ATP9A: variants seen among roughly 807,000 people sequenced by gnomAD.
ATP9A encodes ATPase phospholipid transporting 9A.
ATP9A carries 52 observed loss-of-function variants against 144.1 expected under a neutral mutation model. That is an observed-to-expected ratio of 0.36 (90% CI 0.29 to 0.45). The LOEUF (loss-of-function observed/expected upper bound fraction) is 0.45, where lower values mean the gene tolerates loss of function less well. Ranked by LOEUF, ATP9A falls within the 20% of genes least tolerant of loss-of-function variation. The pLI, the probability that ATP9A is intolerant of heterozygous loss-of-function variation, is 1.00. For missense variants in ATP9A, 947 were observed against 1,392.7 expected, an observed-to-expected ratio of 0.68 and a Z score of 5.09; for synonymous variants, 582 against 557.4, an observed-to-expected ratio of 1.04 and a Z score of -0.62.
At chr20:51,641,713 C>T (rs2077319933) in intron 14 of ATP9A, among the ~76,000 whole-genome samples, 2 of 151,270 alleles carry the variant, frequency 1.3e-5, no homozygotes, top group African/African-American at 4.9e-5. Context: ...CGCCTGTAAT[C>T]CCAGCTACCA....
intron 9 of ATP9A, among the ~76,000 whole-genome samples, chr20:51,687,024 G>C (rs1245454995): frequency 1.3e-5 from 2 of 151,410 alleles, no homozygotes; most frequent in South Asian, 4.2e-4. Context: ...AATTCAAACT[G>C]AATGAGATAA....
At chr20:51,700,601 C>A (rs991078316) in intron 4 of ATP9A, among the ~76,000 whole-genome samples, 1 of 152,164 alleles carries the variant, frequency 6.6e-6, no homozygotes, top group Admixed American at 6.5e-5. Context: ...GAGGCCGAGG[C>A]GGGCGGATCA....
At chr20:51,622,421 A>G (rs1270360829) in intron 18 of ATP9A, among the ~76,000 whole-genome samples, 1 of 152,146 alleles carries the variant, frequency 6.6e-6, no homozygotes, top group East Asian at 1.9e-4. Flanking sequence ...GCCACACACT[A>G]CAGGAGGTAC....
intron 3 of ATP9A, among the ~76,000 whole-genome samples, chr20:51,725,412 G>A (rs916213048): frequency 2.0e-5 from 3 of 152,128 alleles, no homozygotes; most frequent in Admixed American, 6.6e-5. Context: ...ATGAGCCACC[G>A]TGCCTGGCCA....
At chr20:51,690,196 G>A (rs543682044) in intron 8 of ATP9A, among the ~76,000 whole-genome samples, 28 of 150,968 alleles carry the variant, frequency 1.9e-4, no homozygotes, top group African/African-American at 4.6e-4. Context: ...CAAGGCGGGC[G>A]GATCACAAGG....
At chr20:51,681,955 G>A (rs2077501664) in intron 9 of ATP9A, among the ~76,000 whole-genome samples, 3 of 152,122 alleles carry the variant, frequency 2.0e-5, no homozygotes, top group Admixed American at 6.6e-5. Context: ...AGCCAAGGTG[G>A]TGGTTACCCT....
chr20:51,696,205 AG>A (rs1361764363), intron 5 of ATP9A, 61 bp from the exon 6 acceptor site: 4 of 1,535,758 alleles, frequency 2.6e-6, no homozygotes, highest in Non-Finnish European at 3.6e-6. Context: ...TGCGGTGGGG[AG>A]GGGGGCTTCC....
chr20:51,693,144 C>T (rs1380998835), intron 7 of ATP9A, among the ~76,000 whole-genome samples: 1 of 152,190 alleles, frequency 6.6e-6, no homozygotes, highest in Non-Finnish European at 1.5e-5. Flanking sequence ...ACTGGGGATA[C>T]GGCAGAGAAT....
intron 26 of ATP9A, among the ~76,000 whole-genome samples, chr20:51,607,274 A>C (rs1272112942): frequency 6.6e-6 from 1 of 152,230 alleles, no homozygotes; most frequent in Admixed American, 6.5e-5. Context: ...TGAGTGGAGC[A>C]GCCCCACAGG....
At chr20:51,726,889 C>CTTTTTTTTTTTTTTTTTTTTTTTTTTT (rs55719132) in intron 2 of ATP9A, among the ~76,000 whole-genome samples, 3 of 93,984 alleles carry the variant, frequency 3.2e-5, no homozygotes, top group Non-Finnish European at 4.1e-5. Context: ...TGTGTTATTT[C>CTTTTTTTTTTTTTTTTTTTTTTTTTTT]TTTTTTTTTT....
intron 19 of ATP9A, among the ~76,000 whole-genome samples, chr20:51,621,565 C>A (rs952176999): frequency 8.5e-5 from 13 of 152,292 alleles, no homozygotes; most frequent in Non-Finnish European, 1.9e-4. Context: ...ATGTCTGCCA[C>A]AAGGGCGGGC....
intron 12 of ATP9A, 47 bp downstream of exon 12, chr20:51,671,068 A>G (rs781616708): frequency 6.3e-7 from 1 of 1,595,772 alleles, no homozygotes; most frequent in South Asian, 1.1e-5. Context: ...GCCCTCAGGC[A>G]TCTTCTCTCA....
intron 9 of ATP9A, among the ~76,000 whole-genome samples, chr20:51,686,857 C>T (rs1188743460): frequency 6.6e-6 from 1 of 151,494 alleles, no homozygotes; most frequent in Non-Finnish European, 1.5e-5. Flanking sequence ...ATCACGTGAA[C>T]CTGGGAGGCG....
chr20:51,643,326 G>C (rs1202712229), intron 14 of ATP9A, among the ~76,000 whole-genome samples: 1 of 152,116 alleles, frequency 6.6e-6, no homozygotes, highest in Non-Finnish European at 1.5e-5. Context: ...CTACTGGCCT[G>C]CCTAAGTCTT....
At position 51,607,570 on chromosome 20, in the gene ATP9A, G is replaced by A. The variant is rs1295940237; in HGVS notation, c.2760C>T (p.Ser920=). Reference sequence around the variant, plus strand: ...AAACCCATATTAAGAATGTCTTGTAGGACAACGGCCGTCCCTGAATGAGAG... The same window carrying A: ...AAACCCATATTAAGAATGTCTTGTAAGACAACGGCCGTCCCTGAATGAGAG... ...YKDLLKGRPL[S]YKTFLIWVLI... is the part of the protein sequence containing the mutation. The change falls in exon 26 of 28, where the codon TCC becomes TCT. Residue 920 remains serine (S), a synonymous_variant. Coordinates refer to ENST00000338821, the MANE Select transcript of ATP9A (RefSeq NM_006045.3). The A allele has an allele frequency of 6.2e-7, 1 of 1,613,178 alleles. No homozygotes were observed. Among genetic ancestry groups the A allele is most frequent in the Non-Finnish European group, 8.5e-7 (1 of 1,179,426 alleles).
chr20:51,699,080 G>A (rs1039176081), intron 4 of ATP9A, among the ~76,000 whole-genome samples: 7 of 152,134 alleles, frequency 4.6e-5, no homozygotes, highest in East Asian at 3.9e-4. Flanking sequence ...AGTGGCTCAC[G>A]TCTGTAATCC....
At chr20:51,690,903 A>T in intron 7 of ATP9A, 84 bp from the exon 8 acceptor site, 4 of 1,111,724 alleles carry the variant, frequency 3.6e-6, no homozygotes, top group Non-Finnish European at 5.5e-6. Context: ...TTCCAAAGCA[A>T]CTATATTTCC....
chr20:51,742,651 A>G (rs1005826057), intron 1 of ATP9A, among the ~76,000 whole-genome samples: 1 of 152,060 alleles, frequency 6.6e-6, no homozygotes, highest in African/African-American at 2.4e-5. Context: ...AGCAGCTGGG[A>G]TTACAGGTGT....
At chr20:51,726,535 T>A (rs1247029170) in intron 2 of ATP9A, among the ~76,000 whole-genome samples, 1 of 151,934 alleles carries the variant, frequency 6.6e-6, no homozygotes, top group African/African-American at 2.4e-5. Flanking sequence ...AAATCTAACA[T>A]GGAGGGGCAC....
Sources: allele counts gnomAD v4.1 joint callset (sites outside exome capture counted in the v4.1 genomes callset), GRCh38; gene constraint gnomAD v4.1.1; transcripts MANE v1.5; gene names NCBI Gene and HGNC (gene_info 2026-07-23, HGNC 2026-07-21).